PDZD2: variants seen among roughly 807,000 people sequenced by gnomAD.
PDZD2 encodes PDZ domain-containing protein 2.
In PDZD2, 90 loss-of-function variants were observed where a neutral mutation model predicts 220.7. The observed-to-expected ratio is 0.41, with a 90% CI of 0.34 to 0.49. PDZD2 has a LOEUF of 0.49. Among genes scored for constraint, PDZD2 ranks in the 20% least tolerant of loss-of-function variants. The pLI is 0.28. For synonymous variants in PDZD2, 1,375 were observed against 1,450.5 expected, an observed-to-expected ratio of 0.95 and a Z score of 1.18; for missense variants, 3,174 against 3,608.5, an observed-to-expected ratio of 0.88 and a Z score of 3.08.
At chr5:31,716,021 T>G (rs1285145995) in intron 1 of PDZD2, among the ~76,000 whole-genome samples, 1 of 152,220 alleles carries the variant, frequency 6.6e-6, no homozygotes, top group African/African-American at 2.4e-5. Flanking sequence ...TCTTTGCTCT[T>G]CATTCTTGCC....
intron 1 of PDZD2, among the ~76,000 whole-genome samples, chr5:31,694,159 G>A (rs534236923): frequency 6.6e-6 from 1 of 152,130 alleles, no homozygotes; most frequent in Non-Finnish European, 1.5e-5. Context: ...GGGAGGCCAT[G>A]GTGGGCAGAT....
At chr5:31,641,056 T>C (rs1267237255) in intron 1 of PDZD2, among the ~76,000 whole-genome samples, 2 of 152,226 alleles carry the variant, frequency 1.3e-5, no homozygotes, top group East Asian at 1.9e-4. Context: ...AGGAAACTTA[T>C]GATAATTTCT....
chr5:31,822,570 C>T, intron 2 of PDZD2: 1 of 966,956 alleles, frequency 1.0e-6, no homozygotes, highest in Non-Finnish European at 1.6e-6. Context: ...ATTAATCAGC[C>T]TCCTGAATGG....
At chr5:31,854,979 C>T (rs1420432461) in intron 2 of PDZD2, 4 of 985,326 alleles carry the variant, frequency 4.1e-6, no homozygotes, top group Non-Finnish European at 4.8e-6. Flanking sequence ...CCTGCAGGAG[C>T]CGCGTTCCAG....
At chr5:31,729,431 C>T (rs747793646) in intron 1 of PDZD2, among the ~76,000 whole-genome samples, 4 of 152,122 alleles carry the variant, frequency 2.6e-5, no homozygotes, top group Non-Finnish European at 4.4e-5. Context: ...CTCACAATCA[C>T]CCTGCAAAAT....
rs1468469127 is a variant in PDZD2 at position 31,881,378 on chromosome 5, T to A, written c.476+81654T>A. ...TGTGTGTGTGTGTGTGTATATATTT[T>A]TTTTTTTTTTGAGATGGAGTTTTGC... is the stretch of plus-strand genomic sequence containing the variant. On this transcript the variant is annotated intron_variant, in intron 2 of 24. Transcript: ENST00000438447. Among the ~76,000 whole-genome samples the A allele has an allele frequency of 3.3e-4, 48 of 145,676 alleles. 1 individual carries two copies. The highest frequency in any genetic ancestry group is 9.5e-4 in the African/African-American group (35 of 36,672).
At position 31,932,845 on chromosome 5, in the gene PDZD2, G is replaced by A. The variant is rs182736294; in HGVS notation, c.477-50310G>A. Among the ~76,000 whole-genome samples the A allele has an allele frequency of 2.8e-4, 42 of 151,112 alleles. No homozygotes were observed. The East Asian group carries it at 7.4e-3, about 27-fold the overall frequency. On this transcript the variant is annotated intron_variant, in intron 2 of 24. Transcript: ENST00000438447. ...TTTTACTATTCTGAGTGCCTCATAC[G>A]ATTAAAATCATATAGGGTTTGTCCT...
intron 6 of PDZD2, among the ~76,000 whole-genome samples, chr5:32,033,513 C>T (rs1755281548): frequency 6.6e-6 from 1 of 152,178 alleles, no homozygotes; most frequent in Admixed American, 6.5e-5. Flanking sequence ...GATGTCACTC[C>T]TTCCTTGCTC....
intron 2 of PDZD2, among the ~76,000 whole-genome samples, chr5:31,948,246 C>G (rs185646406): frequency 2.0e-5 from 3 of 152,128 alleles, no homozygotes; most frequent in Non-Finnish European, 2.9e-5. Context: ...TTTGGGCGAG[C>G]AAGCTGGGAC....
intron 1 of PDZD2, among the ~76,000 whole-genome samples, chr5:31,641,588 C>G (rs545632100): frequency 5.9e-5 from 9 of 151,846 alleles, no homozygotes; most frequent in Admixed American, 5.9e-4. Flanking sequence ...TGCCCAGACT[C>G]AAGCAATCCT....
chr5:31,994,661 A>G (rs1450385844), intron 3 of PDZD2, among the ~76,000 whole-genome samples: 1 of 151,338 alleles, frequency 6.6e-6, no homozygotes, highest in Non-Finnish European at 1.5e-5. Context: ...AATTTGTTGT[A>G]TTTTTTGTAG....
intron 5 of PDZD2, among the ~76,000 whole-genome samples, chr5:32,001,741 T>C (rs1175528462): frequency 6.6e-6 from 1 of 152,336 alleles, no homozygotes. Context: ...ACCTCTGGTG[T>C]GTCTGAGCTG....
chr5:31,795,917 C>T (rs1239129513), intron 1 of PDZD2, among the ~76,000 whole-genome samples: 4 of 152,158 alleles, frequency 2.6e-5, no homozygotes, highest in Non-Finnish European at 4.4e-5. Flanking sequence ...AAGAATAAGA[C>T]TAAGTGTCTT....
chr5:31,879,580 G>A (rs1739674136), intron 2 of PDZD2, among the ~76,000 whole-genome samples: 1 of 151,984 alleles, frequency 6.6e-6, no homozygotes, highest in African/African-American at 2.4e-5. Flanking sequence ...TGGTCAAATC[G>A]GTTTCAGCAA....
chr5:31,778,981 C>T (rs1454955265), intron 1 of PDZD2, among the ~76,000 whole-genome samples: 1 of 151,954 alleles, frequency 6.6e-6, no homozygotes. Flanking sequence ...CCTACTTTCT[C>T]CTCACATATT....
intron 1 of PDZD2, among the ~76,000 whole-genome samples, chr5:31,795,072 G>A (rs1753948517): frequency 6.6e-6 from 1 of 152,192 alleles, no homozygotes; most frequent in African/African-American, 2.4e-5. Context: ...TAGTTCATTG[G>A]TTCTCAACCC....
chr5:31,795,023 C>T (rs16901566), intron 1 of PDZD2, among the ~76,000 whole-genome samples: 2,019 of 152,288 alleles, frequency 0.013, 57 homozygotes, highest in African/African-American at 0.047. Flanking sequence ...CTCTGAATTT[C>T]GGGTGACCCT....
Position 32,000,139 on chromosome 5 carries a change from G to T in PDZD2, c.1122G>T (p.Arg374Ser), listed in dbSNP as rs938899357. 6 of 1,614,024 alleles carry T rather than the reference G, an allele frequency of 3.7e-6. No individual in the cohort carries two copies. The highest frequency in any genetic ancestry group is 5.1e-6 in the Non-Finnish European group (6 of 1,179,928). Residue 374 changes from arginine (R) to serine (S), a missense_variant and splice_region_variant, in exon 5 of 25, where the codon AGG (arginine) becomes AGT (serine). This residue lies in a region of PDZD2 where 632 missense variants were observed against 708.1 expected (regional missense o/e 0.89). Coordinates refer to ENST00000438447, the MANE Select transcript of PDZD2 (RefSeq NM_178140.4). This position sits in a 1 kb window ranked among gnomAD's most constrained non-coding sequence, Gnocchi z 4.5. The part of the protein sequence containing the change: ...TQVKEGGAAH[R>S]DGRLSLGDEL... ...CTTTTTCCCATCTCCCTTTCCTCAG[G>T]GATGGCAGGCTGTCCTTAGGAGATG...
intron 8 of PDZD2, among the ~76,000 whole-genome samples, chr5:32,050,996 T>G (rs1454101366): frequency 1.3e-5 from 2 of 152,130 alleles, no homozygotes; most frequent in East Asian, 3.8e-4. Context: ...TTTAATTAAT[T>G]TTAATATAGA....
Sources: gnomAD v4.1 joint callset for allele counts (sites outside exome capture counted in the v4.1 genomes callset) on GRCh38, gnomAD v4.1.1 for gene constraint, gnomAD v4.1.1 regional missense constraint, Gnocchi (gnomAD v3.1) non-coding constraint, MANE v1.5 for transcripts, NCBI Gene and HGNC (gene_info 2026-07-23, HGNC 2026-07-21) for gene names.